COL27A1: variants seen among roughly 807,000 people sequenced by gnomAD.
The protein encoded by COL27A1 is collagen alpha-1(XXVII) chain.
Under a neutral mutation model 251.3 loss-of-function variants are expected in COL27A1, and 106 were observed. The observed-to-expected ratio is 0.42, with a 90% CI of 0.36 to 0.50. The LOEUF (loss-of-function observed/expected upper bound fraction) is 0.50, where lower values mean the gene tolerates loss of function less well. COL27A1 is among the 20% of genes least tolerant of loss of function. The pLI is 0.00. For synonymous variants in COL27A1, 1,000 were observed against 986.3 expected, an observed-to-expected ratio of 1.01 and a Z score of -0.26; for missense variants, 2,325 against 2,522.8, an observed-to-expected ratio of 0.92 and a Z score of 1.68.
chr9:114,301,111 C>A lies in COL27A1; in HGVS notation c.4741C>A (p.Pro1581Thr), dbSNP rs150497649. Residue 1581 changes from proline to threonine, a missense_variant, in exon 52 of 61, where the codon CCT (proline) becomes ACT (threonine). Around this residue, in one of 4 missense-constraint regions of COL27A1, gnomAD observed 327 missense variants for 442.8 expected, o/e 0.74. Transcript: ENST00000356083. The part of the protein sequence containing the change: ...GIVGPLGILG[P>T]SGLPGPKGDK... Reference sequence around the variant, plus strand: ...CGTCGGGCCCCTCGGAATCCTGGGACCTTCGGGACTCCCGGTATGTGTGGG... The same window carrying A: ...CGTCGGGCCCCTCGGAATCCTGGGAACTTCGGGACTCCCGGTATGTGTGGG... 5.6e-5 allele frequency: 90 copies of A among 1,613,494 alleles called. No individual in the cohort carries two copies. The highest frequency in any genetic ancestry group is 4.1e-4 in the African/African-American group (31 of 75,064).
chr9:114,168,737 T>C lies in COL27A1; in HGVS notation c.1182T>C (p.Ser394=), dbSNP rs375425742. 6.0e-5 allele frequency: 97 copies of C among 1,613,876 alleles called. No individual in the cohort carries two copies. The highest frequency in any genetic ancestry group is 7.6e-5 in the Non-Finnish European group (90 of 1,180,036). Residue 394 remains serine, a synonymous_variant, in exon 3 of 61, where the codon TCT becomes TCC. Coordinates refer to ENST00000356083, the MANE Select transcript of COL27A1 (RefSeq NM_032888.4). ...SPHPTQKTAP[S]SFTKSALPTQ... is the part of the protein sequence containing the mutation. ...ATCCTACCCAGAAAACAGCTCCATCTTCATTTACAAAGTCAGCCCTACCCA... is the reference window on the plus strand; with the variant it reads ...ATCCTACCCAGAAAACAGCTCCATCCTCATTTACAAAGTCAGCCCTACCCA...
chr9:114,165,094 T>C (rs777503890), intron 2 of COL27A1, among the ~76,000 whole-genome samples: 4 of 152,190 alleles, frequency 2.6e-5, no homozygotes, highest in East Asian at 1.9e-4. Flanking sequence ...AAGATGACCA[T>C]TTCATCCTCC....
Position 114,205,135 on chromosome 9 carries a change from C to G in COL27A1, c.2158C>G (p.Pro720Ala), listed in dbSNP as rs773987629. 6.2e-7 allele frequency: 1 copy of G among 1,613,508 alleles called. No homozygotes were observed. Among genetic ancestry groups the G allele is most frequent in the South Asian group, 1.1e-5 (1 of 91,074 alleles). The change falls in exon 8 of 61, where the codon CCC becomes GCC. Residue 720 changes from proline (P) to alanine (A), a missense_variant. Physicochemically the swap from Pro to Ala is conservative, Grantham distance 27. Around this residue, in one of 4 missense-constraint regions of COL27A1, gnomAD observed 1,183 missense variants for 1,144.1 expected, o/e 1.03. Transcript: ENST00000356083. ...GGGCTATCCTGGACCGGCAGGGCAC[C>G]CCGGAGAACAGGTGAGGGCCTCAGC... ...HKGYPGPAGH[P>A]GEQGQPGPEG...
intron 3 of COL27A1, among the ~76,000 whole-genome samples, chr9:114,176,517 A>T (rs941772104): frequency 6.7e-6 from 1 of 150,094 alleles, no homozygotes; most frequent in Non-Finnish European, 1.5e-5. Context: ...GCTTTGCTCA[A>T]AGCCACCCAG....
At chr9:114,294,267 A>G (rs918232485) in intron 49 of COL27A1, among the ~76,000 whole-genome samples, 13 of 151,170 alleles carry the variant, frequency 8.6e-5, no homozygotes, top group Non-Finnish European at 1.2e-4. Context: ...AAAAAAAAAA[A>G]AAGAAGGAAT....
intron 5 of COL27A1, among the ~76,000 whole-genome samples, chr9:114,183,441 T>C (rs1242576467): frequency 6.6e-6 from 1 of 152,138 alleles, no homozygotes; most frequent in African/African-American, 2.4e-5. Flanking sequence ...GATGACGTTT[T>C]AGAAAGCTCA....
At chr9:114,302,210 G>C in intron 56 of COL27A1, 102 bp downstream of exon 56, 1 of 976,680 alleles carries the variant, frequency 1.0e-6, no homozygotes. Context: ...AGAGCCCTAA[G>C]CTGGGTCTAG....
At chr9:114,242,780 AAG>A (rs1436400773) in intron 22 of COL27A1, among the ~76,000 whole-genome samples, 3 of 152,246 alleles carry the variant, frequency 2.0e-5, no homozygotes. Context: ...AATTAAAACC[AAG>A]AGACTTTAAA....
intron 12 of COL27A1, chr9:114,217,692 A>C: frequency 2.2e-6 from 1 of 452,340 alleles, no homozygotes; most frequent in South Asian, 1.7e-5. Context: ...TGTCCCTTGT[A>C]GGCCATGTGG....
chr9:114,189,042 T>G (rs1399937359), intron 5 of COL27A1, among the ~76,000 whole-genome samples: 1 of 152,202 alleles, frequency 6.6e-6, no homozygotes, highest in Admixed American at 6.5e-5. Context: ...ATGTTATCCT[T>G]TAAAAAAAAT....
At chr9:114,156,687 C>T (rs1334652709) in intron 1 of COL27A1, among the ~76,000 whole-genome samples, 1 of 152,142 alleles carries the variant, frequency 6.6e-6, no homozygotes, top group East Asian at 1.9e-4. Context: ...TGCGGAACCC[C>T]TCAGTGTACA....
chr9:114,304,548 T>A, intron 56 of COL27A1, 60 bp from the exon 57 acceptor site: 4 of 1,533,684 alleles, frequency 2.6e-6, no homozygotes, highest in Non-Finnish European at 3.6e-6. Flanking sequence ...GGGCTCCCAC[T>A]TGATGGGTGT....
At chr9:114,154,110 C>G (rs1002725481), upstream of COL27A1, among the ~76,000 whole-genome samples, 1 of 152,100 alleles carries the variant, frequency 6.6e-6, no homozygotes, top group Admixed American at 6.5e-5. The surrounding 1 kb of genome is among the most constrained non-coding windows in gnomAD (Gnocchi z 5.8). Flanking sequence ...ACCTATGAGC[C>G]GCCCCCAGCT....
chr9:114,292,303 A>C lies in COL27A1; in HGVS notation c.4584+93A>C, dbSNP rs1827978434. 4.2e-6 allele frequency: 4 copies of C among 947,252 alleles called. No homozygotes were observed. The East Asian group carries it at 1.1e-4, about 26-fold the overall frequency. The allele number at this position is 947,252 out of a possible 1,614,324, so 58.7% of individuals were successfully genotyped here. A position where few individuals can be genotyped will look rare whatever the true frequency, so the allele number is the denominator to read the frequency against. On this transcript the variant is annotated intron_variant, in intron 49 of 60. Transcript: ENST00000356083. ...TGTACAAACACATGCACACTCATAC[A>C]CACACACAAACACACTGACCCAGAA...
chr9:114,282,495 C>A lies in COL27A1; in HGVS notation c.3810C>A (p.Gly1270=). 2 of 1,590,862 alleles carry A rather than the reference C, an allele frequency of 1.3e-6. No homozygotes were observed. The highest frequency in any genetic ancestry group is 1.7e-6 in the Non-Finnish European group (2 of 1,169,246). Residue 1270 remains glycine (G), a synonymous_variant, in exon 39 of 61, where the codon GGC becomes GGA. Transcript: ENST00000356083. ...KGYQGQLGEM[G]VPGDPGPPGT... is the part of the protein sequence containing the mutation. Reference sequence around the variant, plus strand: ...ATCAAGGACAGCTGGGTGAGATGGGCGTCCCTGGAGACCCTGGACCCCCTG... The same window carrying A: ...ATCAAGGACAGCTGGGTGAGATGGGAGTCCCTGGAGACCCTGGACCCCCTG...
intron 3 of COL27A1, among the ~76,000 whole-genome samples, chr9:114,175,455 A>G (rs1006268409): frequency 6.6e-6 from 1 of 152,212 alleles, no homozygotes; most frequent in African/African-American, 2.4e-5. Flanking sequence ...GCCACGAGCA[A>G]AGTGGGCACT....
Position 114,263,288 on chromosome 9 carries a change from C to A in COL27A1, c.3196-1067C>A, listed in dbSNP as rs376369263. ...GTTTGATTTTTAAATGATTTTTCTT[C>A]ATTTAGTTTTCTTATTCCCCATCCT... On this transcript the variant is annotated intron_variant, in intron 28 of 60. Transcript: ENST00000356083. Among the ~76,000 whole-genome samples, 40 of 152,234 alleles carry A rather than the reference C, an allele frequency of 2.6e-4. 1 individual carries two copies. In the East Asian group the frequency reaches 3.9e-3, roughly 15 times the overall value.
chr9:114,232,237 A>T (rs1004117255), intron 16 of COL27A1, among the ~76,000 whole-genome samples: 2 of 152,188 alleles, frequency 1.3e-5, no homozygotes, highest in Non-Finnish European at 2.9e-5. Context: ...AAATCTACAT[A>T]GATCACCCTG....
intron 27 of COL27A1, among the ~76,000 whole-genome samples, chr9:114,258,253 T>C (rs546782659): frequency 1.3e-5 from 2 of 152,298 alleles, no homozygotes; most frequent in Non-Finnish European, 2.9e-5. Context: ...GAAGAAAATG[T>C]CATGCAGGGG....
Sources: allele counts gnomAD v4.1 joint callset (sites outside exome capture counted in the v4.1 genomes callset), GRCh38; gene constraint gnomAD v4.1.1; regional missense constraint gnomAD v4.1.1; non-coding constraint Gnocchi (gnomAD v3.1); transcripts MANE v1.5; gene names NCBI Gene and HGNC (gene_info 2026-07-23, HGNC 2026-07-21).